PHKB: variants seen among roughly 807,000 people sequenced by gnomAD.
PHKB encodes phosphorylase b kinase regulatory subunit beta.
PHKB carries 122 observed loss-of-function variants against 152.1 expected under a neutral mutation model. The observed-to-expected ratio is 0.80, with a 90% CI of 0.69 to 0.93. The LOEUF (loss-of-function observed/expected upper bound fraction) is 0.93, where lower values mean the gene tolerates loss of function less well. Ranked by LOEUF, PHKB falls within the 40% of genes least tolerant of loss-of-function variation. The probability of loss-of-function intolerance (pLI) is 0.00; values close to 1 mark genes in which losing one functional copy is unlikely to be tolerated. For synonymous variants in PHKB, 436 were observed against 464.9 expected, an observed-to-expected ratio of 0.94 and a Z score of 0.80; for missense variants, 1,304 against 1,328.4, an observed-to-expected ratio of 0.98 and a Z score of 0.29.
chr16:47,623,557 AT>A (rs35402802), intron 14 of PHKB, among the ~76,000 whole-genome samples: 9,594 of 86,240 alleles, frequency 0.11, 573 homozygotes, highest in African/African-American at 0.28. Context: ...GACAGTTTTG[AT>A]TTTTTTTTTT....
chr16:47,682,492 T>G (rs2142094796), intron 26 of PHKB, among the ~76,000 whole-genome samples: 1 of 152,328 alleles, frequency 6.6e-6, no homozygotes, highest in African/African-American at 2.4e-5. Context: ...AAACTTCTCT[T>G]CTCGCTTCAT....
At chr16:47,587,503 A>G (rs532928130) in intron 8 of PHKB, among the ~76,000 whole-genome samples, 165 bp from the exon 9 acceptor site, 1 of 152,362 alleles carries the variant, frequency 6.6e-6, no homozygotes, top group Admixed American at 6.5e-5. Context: ...ATTGCAGGAT[A>G]TTTGAGAAAT....
At chr16:47,646,525 T>A (rs1345445799) in intron 16 of PHKB, among the ~76,000 whole-genome samples, 27 of 78,848 alleles carry the variant, frequency 3.4e-4, no homozygotes, top group East Asian at 9.3e-4. Context: ...AAACTTAGAG[T>A]ATAATAAAAA....
At chr16:47,646,854 A>G (rs2151729402) in intron 16 of PHKB, among the ~76,000 whole-genome samples, 1 of 151,976 alleles carries the variant, frequency 6.6e-6, no homozygotes, top group South Asian at 2.1e-4. Flanking sequence ...CACTGTCCAA[A>G]GATGTTTATT....
At chr16:47,464,557 G>A (rs1969634262) in intron 1 of PHKB, among the ~76,000 whole-genome samples, 1 of 152,134 alleles carries the variant, frequency 6.6e-6, no homozygotes, top group Non-Finnish European at 1.5e-5. Flanking sequence ...GCACCCCTTT[G>A]AGAGCTGGAT....
intron 4 of PHKB, among the ~76,000 whole-genome samples, chr16:47,504,569 A>G (rs544697123): frequency 7.9e-5 from 12 of 152,334 alleles, no homozygotes; most frequent in African/African-American, 2.9e-4. Context: ...GGCCTACTAT[A>G]TTAACTCTTT....
intron 6 of PHKB, among the ~76,000 whole-genome samples, chr16:47,528,184 C>T (rs1970799532): frequency 6.6e-6 from 1 of 152,132 alleles, no homozygotes; most frequent in South Asian, 2.1e-4. Context: ...AAATTAAATA[C>T]TAAAGAGTAA....
At chr16:47,489,033 G>A (rs2151637661) in intron 1 of PHKB, among the ~76,000 whole-genome samples, 1 of 152,172 alleles carries the variant, frequency 6.6e-6, no homozygotes, top group South Asian at 2.1e-4. Flanking sequence ...ATTGCTTTGA[G>A]TAGTATGGCT....
chr16:47,654,712 G>A (rs984726814), intron 20 of PHKB, among the ~76,000 whole-genome samples: 13 of 149,798 alleles, frequency 8.7e-5, no homozygotes, highest in Non-Finnish European at 1.5e-4. Flanking sequence ...ACGGAAAACC[G>A]AACACCACAT....
chr16:47,534,102 C>T (rs949348615), intron 6 of PHKB, among the ~76,000 whole-genome samples: 6 of 152,354 alleles, frequency 3.9e-5, no homozygotes, highest in African/African-American at 1.4e-4. Flanking sequence ...GGGTGGGACT[C>T]CCTCCTGTTC....
chr16:47,566,919 A>T (rs914667583), intron 7 of PHKB: 1 of 597,828 alleles, frequency 1.7e-6, no homozygotes, highest in Non-Finnish European at 3.0e-6. Flanking sequence ...GTCACACTGG[A>T]AACTGGTATT....
chr16:47,512,131 G>A (rs1970521319), intron 5 of PHKB, among the ~76,000 whole-genome samples: 1 of 152,200 alleles, frequency 6.6e-6, no homozygotes, highest in Admixed American at 6.5e-5. Context: ...ACCCATAGCA[G>A]TCTGTGGCCC....
intron 7 of PHKB, among the ~76,000 whole-genome samples, chr16:47,575,613 C>G (rs896824765): frequency 6.6e-6 from 1 of 152,078 alleles, no homozygotes; most frequent in Non-Finnish European, 1.5e-5. Context: ...AAGAGAAAGT[C>G]AAATACTATA....
At chr16:47,540,655 T>A (rs1971038441) in intron 6 of PHKB, among the ~76,000 whole-genome samples, 1 of 151,988 alleles carries the variant, frequency 6.6e-6, no homozygotes, top group African/African-American at 2.4e-5. Flanking sequence ...GAACCTACAT[T>A]GAAATATTGG....
chr16:47,521,990 T>A (rs1278366273), intron 6 of PHKB, among the ~76,000 whole-genome samples: 2 of 152,242 alleles, frequency 1.3e-5, no homozygotes, highest in African/African-American at 4.8e-5. Context: ...TTTACATTAA[T>A]AGTCATAATG....
In PHKB at chr16:47,529,345, AT is replaced by A. The variant is rs759050927; in HGVS notation, c.594+13764del. On this transcript the variant is annotated intron_variant, in intron 6 of 30. Coordinates refer to ENST00000323584, the MANE Select transcript of PHKB (RefSeq NM_000293.3). ...TCGCTACAAAAATCTTTAAAAAATA[AT>A]TTTTTTTTTTTTTTTTTTTGGAGAC... 7.3e-3 allele frequency: 960 copies of A among 131,234 alleles called. 2 individuals carry two copies. The highest frequency in any genetic ancestry group is 0.015 in the African/African-American group (516 of 33,438). The allele number at this position is 131,234 out of a possible 1,614,324, so 8.1% of individuals were successfully genotyped here. A position where few individuals can be genotyped will look rare whatever the true frequency, so the allele number is the denominator to read the frequency against.
In PHKB at chr16:47,587,711, A is replaced by G. The variant is rs147127433; in HGVS notation, c.818A>G (p.Asn273Ser). The change falls in exon 9 of 31, where the codon AAT becomes AGT. Residue 273 changes from asparagine to serine, a missense_variant. Transcript: ENST00000323584. ...SVIFVDLDAH[N>S]RNRQTLCSLL... ...ATATTTGTGGATCTCGATGCTCACAATCGCAACAGGCAAACTTTGTGCTCG... is the reference window on the plus strand; with the variant it reads ...ATATTTGTGGATCTCGATGCTCACAGTCGCAACAGGCAAACTTTGTGCTCG... 2.5e-6 allele frequency: 4 copies of G among 1,613,594 alleles called. No individual in the cohort carries two copies. In the African/African-American group the frequency reaches 5.3e-5, roughly 22 times the overall value.
intron 6 of PHKB, among the ~76,000 whole-genome samples, chr16:47,516,960 A>G (rs1970608590): frequency 6.6e-6 from 1 of 152,164 alleles, no homozygotes; most frequent in East Asian, 1.9e-4. Flanking sequence ...GTTTTAGTCC[A>G]ATTTTAAGGA....
chr16:47,466,711 T>C (rs1969674889), intron 1 of PHKB, among the ~76,000 whole-genome samples: 1 of 152,244 alleles, frequency 6.6e-6, no homozygotes, highest in South Asian at 2.1e-4. Flanking sequence ...AATTTTATTG[T>C]ATATTCTGGG....
Sources: allele counts gnomAD v4.1 joint callset (sites outside exome capture counted in the v4.1 genomes callset), GRCh38; gene constraint gnomAD v4.1.1; transcripts MANE v1.5; gene names NCBI Gene and HGNC (gene_info 2026-07-23, HGNC 2026-07-21).